The following LEMD3 variants were observed in gnomAD, a reference collection of about 807,000 sequenced individuals.
LEMD3 encodes LEM domain containing 3, also known as inner nuclear membrane protein Man1.
A neutral mutation model predicts 95.2 loss-of-function variants in LEMD3; 33 were observed. That is an observed-to-expected ratio of 0.35 (90% CI 0.26 to 0.46). The LOEUF is 0.46. LEMD3 is among the 20% of genes least tolerant of loss of function. The pLI is 1.00. For synonymous variants in LEMD3, 525 were observed against 474.6 expected, an observed-to-expected ratio of 1.11 and a Z score of -1.38; for missense variants, 1,210 against 1,192.8, an observed-to-expected ratio of 1.01 and a Z score of -0.21.
chr12:65,176,944 C>G (rs944202692), intron 1 of LEMD3, among the ~76,000 whole-genome samples: 4 of 152,162 alleles, frequency 2.6e-5, no homozygotes, highest in Non-Finnish European at 2.9e-5. Flanking sequence ...AATTGGTTAT[C>G]TACTTAGTAT....
rs1258816144 is a variant in LEMD3 at position 65,245,651 on chromosome 12, G to T, written c.2388-18G>T. 4 of 1,576,526 alleles carry T rather than the reference G, an allele frequency of 2.5e-6. No homozygotes were observed. The highest frequency in any genetic ancestry group is 8.7e-7 in the Non-Finnish European group (1 of 1,145,914). On this transcript the variant is annotated intron_variant, in intron 10 of 12. Transcript: ENST00000308330. ...AGTAGGAATATGGTTGTTGATTTTT[G>T]TTTTCATTAACTTTTAGGGAAATAG...
chr12:65,173,560 A>G (rs1868621409), intron 1 of LEMD3, among the ~76,000 whole-genome samples: 1 of 152,186 alleles, frequency 6.6e-6, no homozygotes, highest in African/African-American at 2.4e-5. Context: ...AATGGAAGTA[A>G]TAATATCTGC....
chr12:65,236,727 T>A (rs1870783893), intron 4 of LEMD3, among the ~76,000 whole-genome samples: 1 of 152,118 alleles, frequency 6.6e-6, no homozygotes, highest in Admixed American at 6.5e-5. Flanking sequence ...GATAAATTTT[T>A]AAAAATTGGA....
At chr12:65,239,867 T>C (rs1048601838) in intron 6 of LEMD3, 62 bp from the exon 7 acceptor site, 1 of 1,103,292 alleles carries the variant, frequency 9.1e-7, no homozygotes, top group East Asian at 2.5e-5. Flanking sequence ...AAATAATCAC[T>C]GAAATATTAT....
intron 1 of LEMD3, among the ~76,000 whole-genome samples, chr12:65,176,856 C>T (rs1048289288): frequency 2.0e-5 from 3 of 152,152 alleles, no homozygotes; most frequent in Admixed American, 2.0e-4. Flanking sequence ...CATTATTCAG[C>T]AAATATCTGT....
intron 1 of LEMD3, 93 bp downstream of exon 1, chr12:65,171,211 C>G (rs1357626126): frequency 6.3e-7 from 1 of 1,582,324 alleles, no homozygotes; most frequent in East Asian, 2.3e-5. Context: ...AGTGACTTAC[C>G]TGCAAGAATA....
At chr12:65,196,676 C>T (rs548025641) in intron 1 of LEMD3, among the ~76,000 whole-genome samples, 9 of 152,094 alleles carry the variant, frequency 5.9e-5, no homozygotes, top group East Asian at 3.9e-4. Context: ...CAGTGTGGAT[C>T]GGAAATGCTC....
chr12:65,215,899 T>G (rs1870092835), intron 2 of LEMD3, 78 bp from the exon 3 acceptor site: 1 of 597,228 alleles, frequency 1.7e-6, no homozygotes, highest in South Asian at 2.4e-5. Context: ...TTTACTGTTT[T>G]TTTTTTTTTG....
Position 65,170,480 on chromosome 12 carries a change from C to G in LEMD3, c.884C>G (p.Pro295Arg), listed in dbSNP as rs1489975015. The G allele has an allele frequency of 2.2e-5, 36 of 1,613,240 alleles. No individual in the cohort carries two copies. The Middle Eastern group carries it at 4.9e-4, about 22-fold the overall frequency. The change falls in exon 1 of 13, where the codon CCC becomes CGC. Residue 295 changes from proline (P) to arginine (R), a missense_variant. Pro to Arg is a moderately radical substitution (Grantham distance 103). Transcript: ENST00000308330. ...AGACGAACCCATAGTAAGCCTCTCC[C>G]CCCGCTGACTGCTAAATCGGCCGGC... ...RPRRTHSKPL[P>R]PLTAKSAGGR... is the part of the protein sequence containing the mutation.
At chr12:65,242,720 T>TATA (rs934675324) in intron 9 of LEMD3, among the ~76,000 whole-genome samples, 15 of 152,304 alleles carry the variant, frequency 9.8e-5, no homozygotes, top group Non-Finnish European at 7.4e-5. Flanking sequence ...ACAACTATAA[T>TATA]ATAATAATAA....
chr12:65,225,372 A>G (rs1305613491), intron 4 of LEMD3, among the ~76,000 whole-genome samples: 3 of 152,124 alleles, frequency 2.0e-5, no homozygotes, highest in Non-Finnish European at 4.4e-5. Context: ...AAAGTCTTTT[A>G]CCAATATGTC....
intron 4 of LEMD3, among the ~76,000 whole-genome samples, chr12:65,228,473 G>A (rs1416581495): frequency 2.7e-5 from 4 of 150,766 alleles, no homozygotes; most frequent in African/African-American, 2.4e-5. Context: ...TCGGCTCACC[G>A]CAAGCTCTCC....
At chr12:65,201,072 A>G (rs559425563) in intron 1 of LEMD3, among the ~76,000 whole-genome samples, 151 of 152,166 alleles carry the variant, frequency 9.9e-4, no homozygotes, top group Non-Finnish European at 1.9e-3. Context: ...GCTCCATTAT[A>G]TTGCCTTTGT....
intron 3 of LEMD3, among the ~76,000 whole-genome samples, chr12:65,218,122 G>A (rs1870165302): frequency 6.6e-6 from 1 of 152,162 alleles, no homozygotes; most frequent in African/African-American, 2.4e-5. Context: ...GAATAGATGT[G>A]TAAGTTAAGT....
intron 1 of LEMD3, among the ~76,000 whole-genome samples, chr12:65,176,099 T>G (rs1336177155): frequency 1.3e-5 from 2 of 152,236 alleles, no homozygotes; most frequent in African/African-American, 4.8e-5. Context: ...TAACCTAAAA[T>G]GGTGTCCCTG....
chr12:65,227,169 T>C (rs1046364233), intron 4 of LEMD3, among the ~76,000 whole-genome samples: 2 of 152,130 alleles, frequency 1.3e-5, no homozygotes, highest in African/African-American at 4.8e-5. Flanking sequence ...TAGAATAAAA[T>C]ATTCCATGAA....
At chr12:65,182,587 T>G (rs1273230029) in intron 1 of LEMD3, among the ~76,000 whole-genome samples, 1 of 152,174 alleles carries the variant, frequency 6.6e-6, no homozygotes, top group Admixed American at 6.5e-5. Context: ...ATTAGTGCCT[T>G]CCTTATCTCC....
chr12:65,170,808 G>A lies in LEMD3; in HGVS notation c.1212G>A (p.Arg404=). ...GGGAFSVDSP[R]IYSNSLPPSA... ...GGGCCTTCAGTGTGGACTCCCCCAG[G>A]ATTTATTCTAACAGTCTCCCTCCCA... The change falls in exon 1 of 13, where the codon AGG becomes AGA. Residue 404 remains arginine (R), a synonymous_variant. Coordinates refer to ENST00000308330, the MANE Select transcript of LEMD3 (RefSeq NM_014319.5). 1 of 1,614,194 alleles carries A rather than the reference G, an allele frequency of 6.2e-7. No individual in the cohort carries two copies. The highest frequency in any genetic ancestry group is 1.3e-5 in the African/African-American group (1 of 75,042).
At position 65,195,128 on chromosome 12, in the gene LEMD3, T is replaced by G. The variant is rs150510794; in HGVS notation, c.1523-15798T>G. 4.6e-5 allele frequency among the ~76,000 whole-genome samples: 7 copies of G among 152,230 alleles called. 1 individual carries two copies. The highest frequency in any genetic ancestry group is 1.0e-4 in the Non-Finnish European group (7 of 67,990). Reference sequence around the variant, plus strand: ...TCTGCAACCTGCAAATACTGTATTTTTGACCCATGGTTGGTTGAATCTGCA... The same window carrying G: ...TCTGCAACCTGCAAATACTGTATTTGTGACCCATGGTTGGTTGAATCTGCA... On this transcript the variant is annotated intron_variant, in intron 1 of 12. Transcript: ENST00000308330.
Sources: gnomAD v4.1 joint callset for allele counts (sites outside exome capture counted in the v4.1 genomes callset) on GRCh38, gnomAD v4.1.1 for gene constraint, MANE v1.5 for transcripts, NCBI Gene and HGNC (gene_info 2026-07-23, HGNC 2026-07-21) for gene names.